GRK7: variants seen among roughly 807,000 people sequenced by gnomAD.
The protein encoded by GRK7 is G protein-coupled receptor kinase 7, also known as rhodopsin kinase GRK7.
Under a neutral mutation model 34.1 loss-of-function variants are expected in GRK7, and 24 were observed. The ratio of observed to expected loss-of-function variants is 0.70; its 90% confidence interval spans 0.51 to 0.99. The LOEUF (loss-of-function observed/expected upper bound fraction) is 0.99, where lower values mean the gene tolerates loss of function less well. GRK7 is among the 50% of genes least tolerant of loss of function. The pLI is 0.00. For synonymous variants in GRK7, 256 were observed against 279.4 expected (o/e 0.92, Z 0.84); for missense variants, 644 against 707.3 (o/e 0.91, Z 1.02).
intron 3 of GRK7, among the ~76,000 whole-genome samples, chr3:141,779,975 C>G (rs1374764851): frequency 6.6e-6 from 1 of 152,210 alleles, no homozygotes; most frequent in South Asian, 2.1e-4. Context: ...TGCTGCTATT[C>G]ATGCACAAGT....
chr3:141,799,622 A>C (rs1426975900), intron 4 of GRK7, among the ~76,000 whole-genome samples: 4 of 151,828 alleles, frequency 2.6e-5, no homozygotes, highest in Admixed American at 2.0e-4. Context: ...AAAAAAAAAA[A>C]CAAGGTGCAG....
At chr3:141,760,323 C>T (rs1179021615), upstream of GRK7, among the ~76,000 whole-genome samples, 33 of 131,302 alleles carry the variant, frequency 2.5e-4, no homozygotes, top group Non-Finnish European at 4.5e-4. Context: ...TGTCTTTGTT[C>T]TCGTTGGTTT....
intron 4 of GRK7, among the ~76,000 whole-genome samples, chr3:141,781,112 T>C (rs2084670541): frequency 6.6e-6 from 1 of 152,018 alleles, no homozygotes; most frequent in Admixed American, 6.6e-5. Flanking sequence ...ATGGTCCGGG[T>C]GTGTCAATAA....
At chr3:141,750,719 G>C in the GRK7 span, among the ~76,000 whole-genome samples, 655 of 150,498 alleles carry the variant, frequency 4.4e-3, 7 homozygotes, top group African/African-American at 0.015. Context: ...GCTACAACCT[G>C]TAAAAAAATT....
chr3:141,768,574 C>T (rs971264124), intron 1 of GRK7, among the ~76,000 whole-genome samples: 1 of 152,200 alleles, frequency 6.6e-6, no homozygotes. Context: ...GCCACCGCCC[C>T]TGGTCCTTGT....
intron 5 of GRK7, among the ~76,000 whole-genome samples, chr3:141,808,865 C>T (rs2107894560): frequency 6.6e-6 from 1 of 152,260 alleles, no homozygotes; most frequent in East Asian, 1.9e-4. Flanking sequence ...ATGTACTTAA[C>T]ACTGTTACAT....
rs536893530 is a variant in GRK7, at chr3:141,792,430, T to C, written c.1050+11619T>C. 1.0e-4 allele frequency among the ~76,000 whole-genome samples: 15 copies of C among 149,626 alleles called. 1 individual carries two copies. The highest frequency in any genetic ancestry group is 3.7e-4 in the African/African-American group (15 of 40,754). On this transcript the variant is annotated intron_variant, in intron 4 of 5. Transcript: ENST00000682958. ...AAAAAAAAAAAAAAAGGGAACTTAATAATCATTCAAATAAGTATTAAATAT... is the reference window on the plus strand; with the variant it reads ...AAAAAAAAAAAAAAAGGGAACTTAACAATCATTCAAATAAGTATTAAATAT...
At chr3:141,789,663 A>AAAAAC (rs1553736391) in intron 4 of GRK7, among the ~76,000 whole-genome samples, 1 of 146,770 alleles carries the variant, frequency 6.8e-6, no homozygotes, top group South Asian at 2.2e-4. Flanking sequence ...GGGCAAAAAA[A>AAAAAC]AAAAAAACAC....
Position 141,811,606 on chromosome 3 carries a change from C to A in GRK7, c.1325+3687C>A, listed in dbSNP as rs141881496. ...TTCAGTGAAACAGAAAATCTTCCAACATTTTTTTTTCTTACGGCCTCTATA... is the reference window on the plus strand; with the variant it reads ...TTCAGTGAAACAGAAAATCTTCCAAAATTTTTTTTTCTTACGGCCTCTATA... On this transcript the variant is annotated intron_variant, in intron 5 of 5. Transcript: ENST00000682958. Among the ~76,000 whole-genome samples the A allele has an allele frequency of 4.4e-3, 673 of 152,278 alleles. 8 individuals are homozygous for A. Among genetic ancestry groups the A allele is most frequent in the African/African-American group, 0.016 (656 of 41,564 alleles).
chr3:141,780,465 T>C lies in GRK7; in HGVS notation c.704T>C (p.Met235Thr), dbSNP rs1229068340. 6.2e-7 allele frequency: 1 copy of C among 1,614,236 alleles called. No individual in the cohort carries two copies. ...KRLKKKGGEKMALLEKEILEK... is the reference protein window; with the variant it reads ...KRLKKKGGEKTALLEKEILEK... ...CTGAAGAAGAAAGGTGGCGAGAAGA[T>C]GGCTCTCTTGGAAAAGGAAATCTTG... is the stretch of plus-strand genomic sequence containing the variant. The change falls in exon 4 of 6, where the codon ATG (methionine) becomes ACG (threonine). Residue 235 changes from methionine to threonine, a missense_variant. Transcript: ENST00000682958.
rs536265237 is a variant in GRK7 at position 141,791,184 on chromosome 3, A to G, written c.1050+10373A>G. On this transcript the variant is annotated intron_variant, in intron 4 of 5. Coordinates refer to ENST00000682958, the MANE Select transcript of GRK7 (RefSeq NM_139209.3). ...TTGAAGTCTCTGACCAACTCCTCAC[A>G]TTCAGAGGGATAATGGGAGACAGAG... 3.9e-5 allele frequency among the ~76,000 whole-genome samples: 6 copies of G among 152,312 alleles called. No homozygotes were observed. The South Asian group carries it at 1.2e-3, about 32-fold the overall frequency.
At position 141,778,709 on chromosome 3, in the gene GRK7, A is replaced by G; in HGVS notation, c.425A>G (p.Glu142Gly). ...TGCCAAGCAGCCACCACTGAGGAAG[A>G]GCGAGTGGCTGCAGTGACGCTGGCC... ...TKCQAATTEE[E>G]RVAAVTLAKA... The change falls in exon 3 of 6, where the codon GAG becomes GGG. Residue 142 changes from glutamate to glycine, a missense_variant. Coordinates refer to ENST00000682958, the MANE Select transcript of GRK7 (RefSeq NM_139209.3). This position sits in a 1 kb window ranked among gnomAD's most constrained non-coding sequence, Gnocchi z 4.1. 2.5e-6 allele frequency: 4 copies of G among 1,613,132 alleles called. No individual in the cohort carries two copies. The highest frequency in any genetic ancestry group is 3.4e-6 in the Non-Finnish European group (4 of 1,179,430).
chr3:141,797,950 C>G (rs1305955473), intron 4 of GRK7, among the ~76,000 whole-genome samples: 1 of 152,198 alleles, frequency 6.6e-6, no homozygotes, highest in Non-Finnish European at 1.5e-5. Flanking sequence ...GCCCTCTCAG[C>G]TCCACCAGAA....
At chr3:141,768,714 C>T (rs1243904572) in intron 1 of GRK7, among the ~76,000 whole-genome samples, 2 of 152,162 alleles carry the variant, frequency 1.3e-5, no homozygotes, top group East Asian at 1.9e-4. Context: ...CACTTCTCCA[C>T]CTTCCTTCCC....
In GRK7 at chr3:141,803,023, A is replaced by G. The variant is rs113138677; in HGVS notation, c.1051-4622A>G. Among the ~76,000 whole-genome samples the G allele has an allele frequency of 5.0e-3, 761 of 152,358 alleles. 2 individuals carry two copies. The highest frequency in any genetic ancestry group is 0.017 in the African/African-American group (721 of 41,580). On this transcript the variant is annotated intron_variant, in intron 4 of 5. Coordinates refer to ENST00000682958, the MANE Select transcript of GRK7 (RefSeq NM_139209.3). ...TCAGAAAGAATTTCAGAAAAAATTC[A>G]GAAAGAATTTCACACGAGCACCTTT... is the stretch of plus-strand genomic sequence containing the variant.
chr3:141,777,380 A>C (rs1372743392), intron 2 of GRK7, among the ~76,000 whole-genome samples: 2 of 109,418 alleles, frequency 1.8e-5, no homozygotes, highest in Admixed American at 1.4e-4. Context: ...ACGGGAGTGC[A>C]GTGGCGCAAT....
chr3:141,778,640 C>T lies in GRK7; in HGVS notation c.356C>T (p.Pro119Leu), dbSNP rs774273604. The T allele has an allele frequency of 1.3e-5, 21 of 1,612,736 alleles. No homozygotes were observed. Among genetic ancestry groups the T allele is most frequent in the Non-Finnish European group, 1.7e-5 (20 of 1,179,604 alleles). The change falls in exon 3 of 6, where the codon CCG becomes CTG. Residue 119 changes from proline to leucine, a missense_variant. Physicochemically the swap from Pro to Leu is moderately conservative, Grantham distance 98. Transcript: ENST00000682958. The surrounding 1 kb of genome is among the most constrained non-coding windows in gnomAD (Gnocchi z 4.1). ...GCCACTTGTGCGAGTGCCCCTGCCC[C>T]GGGGAACCCGCAACCCTTCCTCAGC... ...LVATCASAPAPGNPQPFLSQA... is the reference protein window; with the variant it reads ...LVATCASAPALGNPQPFLSQA...
chr3:141,767,404 T>G (rs756954912), intron 1 of GRK7, among the ~76,000 whole-genome samples: 3 of 120,076 alleles, frequency 2.5e-5, no homozygotes, highest in African/African-American at 1.1e-4. Context: ...TTGTTTTTTG[T>G]TTTTTTTTTT....
intron 1 of GRK7, among the ~76,000 whole-genome samples, chr3:141,771,263 C>A (rs1462523166): frequency 6.6e-6 from 1 of 151,984 alleles, no homozygotes; most frequent in Non-Finnish European, 1.5e-5. Context: ...TACTACTCAG[C>A]CATAAAAAAG....
Sources: allele counts gnomAD v4.1 joint callset (sites outside exome capture counted in the v4.1 genomes callset), GRCh38; gene constraint gnomAD v4.1.1; non-coding constraint Gnocchi (gnomAD v3.1); transcripts MANE v1.5; gene names NCBI Gene and HGNC (gene_info 2026-07-23, HGNC 2026-07-21).